ZFHX3: variants seen among roughly 807,000 people sequenced by gnomAD.
ZFHX3 encodes zinc finger homeobox protein 3.
Under a neutral mutation model 279.1 loss-of-function variants are expected in ZFHX3, and 42 were observed. That is an observed-to-expected ratio of 0.15 (90% CI 0.12 to 0.19). The LOEUF (loss-of-function observed/expected upper bound fraction) is 0.19. Among genes scored for constraint, ZFHX3 ranks in the 10% least tolerant of loss-of-function variants. The pLI is 1.00. For synonymous variants in ZFHX3, 2,293 were observed against 1,957.8 expected, an observed-to-expected ratio of 1.17 and a Z score of -4.52; for missense variants, 4,981 against 4,754.0, an observed-to-expected ratio of 1.05 and a Z score of -1.40.
chr16:73,487,408 A>ATTTT (rs35394633), intron 2 of ZFHX3: 185 of 384,106 alleles, frequency 4.8e-4, no homozygotes, highest in Non-Finnish European at 6.8e-4. Flanking sequence ...TATCTATGTG[A>ATTTT]TTTTTTTTTT....
At chr16:73,175,606 C>T (rs1041957084) in intron 5 of ZFHX3, among the ~76,000 whole-genome samples, 18 of 152,266 alleles carry the variant, frequency 1.2e-4, no homozygotes, top group African/African-American at 3.1e-4. Flanking sequence ...GATAGGTGCT[C>T]GATAAAGGGA....
intron 3 of ZFHX3, among the ~76,000 whole-genome samples, chr16:73,371,055 C>T (rs1411903439): frequency 6.6e-6 from 1 of 152,028 alleles, no homozygotes; most frequent in African/African-American, 2.4e-5. Context: ...GGTGTGGTGG[C>T]TCATGGCTGT....
intron 2 of ZFHX3, among the ~76,000 whole-genome samples, chr16:73,633,042 G>C (rs775616976): frequency 2.0e-5 from 3 of 152,346 alleles, no homozygotes; most frequent in Middle Eastern, 3.4e-3. Flanking sequence ...TCGCACCACT[G>C]CACTCTAGGC....
intron 1 of ZFHX3, among the ~76,000 whole-genome samples, chr16:73,002,354 T>C (rs140584825): frequency 1.3e-5 from 2 of 152,272 alleles, no homozygotes; most frequent in Admixed American, 6.5e-5. Flanking sequence ...CAGCTTCTCC[T>C]ATACCTGCCC....
intron 3 of ZFHX3, among the ~76,000 whole-genome samples, chr16:73,408,962 C>T (rs1021350532): frequency 6.6e-6 from 1 of 152,126 alleles, no homozygotes; most frequent in Non-Finnish European, 1.5e-5. Context: ...TGGCTCTCTC[C>T]CCATTCATTT....
intron 3 of ZFHX3, among the ~76,000 whole-genome samples, chr16:72,920,754 GACA>G (rs541329422): frequency 1.3e-3 from 204 of 151,926 alleles, no homozygotes; most frequent in Middle Eastern, 3.4e-3. Flanking sequence ...TCAAGTGGAA[GACA>G]ACAACTTTTT....
intron 2 of ZFHX3, among the ~76,000 whole-genome samples, chr16:73,484,581 T>C (rs567823891): frequency 2.8e-4 from 42 of 152,260 alleles, no homozygotes; most frequent in African/African-American, 9.6e-4. Context: ...GGGCCAAGTT[T>C]GCCCCAGAGG....
At chr16:73,057,886 G>C (rs1288566545) in intron 1 of ZFHX3, among the ~76,000 whole-genome samples, 3 of 149,446 alleles carry the variant, frequency 2.0e-5, no homozygotes, top group Non-Finnish European at 4.5e-5. Flanking sequence ...GGCAGCAGCA[G>C]TGGCTGCGAC....
chr16:73,565,411 T>C (rs1447982984), intron 2 of ZFHX3, among the ~76,000 whole-genome samples: 1 of 152,174 alleles, frequency 6.6e-6, no homozygotes, highest in Non-Finnish European at 1.5e-5. Flanking sequence ...CTCTGGTCCA[T>C]TCTGTAACGT....
At chr16:73,866,180 T>C (rs1962016496) in intron 1 of ZFHX3, among the ~76,000 whole-genome samples, 1 of 135,648 alleles carries the variant, frequency 7.4e-6, no homozygotes, top group Non-Finnish European at 1.6e-5. Flanking sequence ...TTTTTTTTTT[T>C]TTTTTTTTTT....
intron 1 of ZFHX3, among the ~76,000 whole-genome samples, chr16:73,812,832 G>A (rs1005607792): frequency 6.6e-6 from 1 of 152,202 alleles, no homozygotes; most frequent in Non-Finnish European, 1.5e-5. Flanking sequence ...TGACAGATAA[G>A]GCAGCAACTC....
intron 2 of ZFHX3, among the ~76,000 whole-genome samples, chr16:73,604,425 G>A (rs774483079): frequency 2.0e-5 from 3 of 152,004 alleles, no homozygotes; most frequent in Admixed American, 1.3e-4. Context: ...CATCAGATAC[G>A]CCTTAGCTTA....
At chr16:73,505,429 A>T (rs1453751074) in intron 2 of ZFHX3, among the ~76,000 whole-genome samples, 1 of 152,080 alleles carries the variant, frequency 6.6e-6, no homozygotes, top group African/African-American at 2.4e-5. Context: ...CCCTTCAATG[A>T]TGAACCATCC....
At chr16:73,237,634 A>T (rs2012994958) in intron 5 of ZFHX3, among the ~76,000 whole-genome samples, 1 of 150,436 alleles carries the variant, frequency 6.6e-6, no homozygotes, top group Non-Finnish European at 1.5e-5. Context: ...AGCCTCCTAA[A>T]GTGCTGGGAT....
At chr16:72,945,640 A>G (rs1365040055) in intron 3 of ZFHX3, among the ~76,000 whole-genome samples, 2 of 152,106 alleles carry the variant, frequency 1.3e-5, no homozygotes, top group African/African-American at 4.8e-5. Context: ...GTAGGGAGAG[A>G]AGGTGGCAGA....
chr16:73,483,699 T>C (rs1282890164), intron 2 of ZFHX3, among the ~76,000 whole-genome samples: 3 of 152,068 alleles, frequency 2.0e-5, no homozygotes, highest in East Asian at 1.9e-4. Context: ...CTGGTATGTA[T>C]AGTATGCAAA....
chr16:73,250,896 TC>T (rs1365592861), intron 5 of ZFHX3, among the ~76,000 whole-genome samples: 7 of 151,854 alleles, frequency 4.6e-5, no homozygotes, highest in Admixed American at 3.3e-4. Context: ...TCAAATTTCT[TC>T]TTTTTTCCCT....
intron 3 of ZFHX3, among the ~76,000 whole-genome samples, chr16:73,348,702 T>C (rs888208432): frequency 2.6e-5 from 4 of 152,256 alleles, no homozygotes; most frequent in Non-Finnish European, 5.9e-5. Flanking sequence ...TTCTTTGCAC[T>C]GAACCCTTGG....
chr16:73,285,527 G>T (rs894313210), intron 4 of ZFHX3, among the ~76,000 whole-genome samples: 1 of 152,176 alleles, frequency 6.6e-6, no homozygotes, highest in East Asian at 1.9e-4. Flanking sequence ...CAGGACGGGG[G>T]ATCTGACCAA....
Sources: gnomAD v4.1 joint callset for allele counts (sites outside exome capture counted in the v4.1 genomes callset) on GRCh38, gnomAD v4.1.1 for gene constraint, MANE v1.5 for transcripts, NCBI Gene and HGNC (gene_info 2026-07-23, HGNC 2026-07-21) for gene names.